SORCS2: variants seen among roughly 807,000 people sequenced by gnomAD.
SORCS2 encodes the protein VPS10 domain-containing receptor SorCS2.
A neutral mutation model predicts 141.6 loss-of-function variants in SORCS2; 100 were observed. That is an observed-to-expected ratio of 0.71 (90% CI 0.60 to 0.83). SORCS2 has a LOEUF of 0.83. Ranked by LOEUF, SORCS2 falls within the 40% of genes least tolerant of loss-of-function variation. The probability of loss-of-function intolerance (pLI) is 0.00; values close to 1 mark genes in which losing one functional copy is unlikely to be tolerated. For synonymous variants in SORCS2, 789 were observed against 676.9 expected (o/e 1.17, Z -2.57); for missense variants, 1,646 against 1,560.2 (o/e 1.05, Z -0.93).
At chr4:7,276,553 G>C (rs951177361) in intron 1 of SORCS2, among the ~76,000 whole-genome samples, 4 of 152,098 alleles carry the variant, frequency 2.6e-5, no homozygotes, top group Admixed American at 2.0e-4. Flanking sequence ...CCTTATTGCT[G>C]CCGCTTCCTG....
chr4:7,729,654 T>C lies in SORCS2; in HGVS notation c.3050T>C (p.Leu1017Pro). ...CCGGGGCTGCCCACTTTGGCCGATC[T>C]GTACGTGCTCCTGCCCCCTCCCAGG... Reference protein sequence around the residue: ...VKPGLPTLADLYVLLPPPRPT... With the variant: ...VKPGLPTLADPYVLLPPPRPT... Residue 1017 changes from leucine (L) to proline (P), a missense_variant, in exon 23 of 27, where the codon CTG (leucine) becomes CCG (proline). By Grantham distance (98) the Leu-to-Pro change is moderately conservative. Coordinates refer to ENST00000507866, the MANE Select transcript of SORCS2 (RefSeq NM_020777.3). The C allele has an allele frequency of 6.2e-7, 1 of 1,606,028 alleles. No homozygotes were observed. Among genetic ancestry groups the C allele is most frequent in the Non-Finnish European group, 8.5e-7 (1 of 1,176,560 alleles).
chr4:7,536,672 C>G (rs147348167), intron 3 of SORCS2, among the ~76,000 whole-genome samples: 2 of 152,184 alleles, frequency 1.3e-5, no homozygotes, highest in African/African-American at 2.4e-5. Context: ...TGGGACACTT[C>G]TGGGAAAGAT....
chr4:7,533,278 G>A (rs1711819487), intron 3 of SORCS2, among the ~76,000 whole-genome samples: 1 of 152,174 alleles, frequency 6.6e-6, no homozygotes, highest in African/African-American at 2.4e-5. Flanking sequence ...CCCTATGGAA[G>A]CAGGGGCAGA....
At chr4:7,639,422 GTGTA>G (rs930360634) in intron 4 of SORCS2, among the ~76,000 whole-genome samples, 21 of 118,486 alleles carry the variant, frequency 1.8e-4, no homozygotes, top group East Asian at 9.9e-4. Flanking sequence ...AAGTGTGTGT[GTGTA>G]TGCACACTTG....
intron 3 of SORCS2, among the ~76,000 whole-genome samples, chr4:7,629,769 C>G (rs1212003540): frequency 2.0e-5 from 3 of 152,008 alleles, no homozygotes; most frequent in Non-Finnish European, 4.4e-5. Context: ...CCCCACCCTC[C>G]CTCTACTTGG....
intron 10 of SORCS2, 84 bp downstream of exon 10, chr4:7,682,973 G>A (rs940953263): frequency 6.7e-7 from 1 of 1,493,920 alleles, no homozygotes; most frequent in Admixed American, 2.2e-5. Flanking sequence ...CAGAGGTGGT[G>A]ATGTCTGAGA....
chr4:7,638,164 T>C (rs1351937022), intron 3 of SORCS2, among the ~76,000 whole-genome samples, 164 bp from the exon 4 acceptor site: 1 of 152,194 alleles, frequency 6.6e-6, no homozygotes, highest in Non-Finnish European at 1.5e-5. Context: ...CACTCCTCCC[T>C]GGTATCAGGA....
At chr4:7,710,687 T>A (rs1725771746) in intron 14 of SORCS2, among the ~76,000 whole-genome samples, 1 of 152,062 alleles carries the variant, frequency 6.6e-6, no homozygotes, top group Non-Finnish European at 1.5e-5. Context: ...CAATCACGGG[T>A]GCCCTGGAGC....
intron 2 of SORCS2, among the ~76,000 whole-genome samples, chr4:7,438,029 C>T (rs547772893): frequency 2.2e-4 from 34 of 152,326 alleles, no homozygotes; most frequent in East Asian, 2.1e-3. Context: ...CTCATAACCA[C>T]GGTGCATTTA....
intron 2 of SORCS2, among the ~76,000 whole-genome samples, chr4:7,423,151 C>T (rs773796038): frequency 3.3e-5 from 5 of 152,176 alleles, no homozygotes; most frequent in Non-Finnish European, 7.3e-5. Context: ...GGGGAAGGTG[C>T]CCTCCCTGTT....
chr4:7,247,805 G>T (rs944392364), intron 1 of SORCS2, among the ~76,000 whole-genome samples: 7 of 152,228 alleles, frequency 4.6e-5, no homozygotes, highest in Non-Finnish European at 1.0e-4. Context: ...TGGGGAAGCC[G>T]CCTTGGAGGA....
chr4:7,276,419 C>T (rs1248696781), intron 1 of SORCS2, among the ~76,000 whole-genome samples: 3 of 152,124 alleles, frequency 2.0e-5, no homozygotes, highest in Non-Finnish European at 4.4e-5. Flanking sequence ...TCCTTCCACT[C>T]GCTGGAACGG....
At chr4:7,339,052 C>T (rs1349891710) in intron 1 of SORCS2, among the ~76,000 whole-genome samples, 37 of 152,256 alleles carry the variant, frequency 2.4e-4, no homozygotes, top group Non-Finnish European at 5.1e-4. Context: ...CTCTTCCATT[C>T]TGCCTGGAAA....
chr4:7,380,768 T>C (rs1162100849), intron 1 of SORCS2, among the ~76,000 whole-genome samples: 1 of 152,250 alleles, frequency 6.6e-6, no homozygotes, highest in East Asian at 1.9e-4. Flanking sequence ...ATGGCCGTGA[T>C]GTGAAATTTG....
At chr4:7,229,286 C>T (rs1007926395) in intron 1 of SORCS2, among the ~76,000 whole-genome samples, 2 of 152,042 alleles carry the variant, frequency 1.3e-5, no homozygotes, top group African/African-American at 4.8e-5. Context: ...CCAACTCTGC[C>T]ATGCCATGAC....
intron 2 of SORCS2, among the ~76,000 whole-genome samples, chr4:7,491,403 A>T (rs1731306346): frequency 6.6e-6 from 1 of 152,122 alleles, no homozygotes; most frequent in Non-Finnish European, 1.5e-5. Context: ...GGTCTCAAGG[A>T]CCCTGCATGA....
At chr4:7,269,621 T>C (rs926573450) in intron 1 of SORCS2, among the ~76,000 whole-genome samples, 2 of 152,168 alleles carry the variant, frequency 1.3e-5, no homozygotes, top group Non-Finnish European at 2.9e-5. Flanking sequence ...ATCAGAGCGA[T>C]GTATCCCCAA....
At chr4:7,288,619 A>AAGAG (rs377036685) in intron 1 of SORCS2, among the ~76,000 whole-genome samples, 2 of 148,856 alleles carry the variant, frequency 1.3e-5, no homozygotes, top group Non-Finnish European at 1.5e-5. Context: ...GAGGGGAGAG[A>AAGAG]AGAGAGAGAG....
At chr4:7,725,403 C>A in intron 20 of SORCS2, 116 bp downstream of exon 20, 1 of 1,397,232 alleles carries the variant, frequency 7.2e-7, no homozygotes, top group Non-Finnish European at 9.5e-7. Context: ...AGGGTGCACT[C>A]CTCACCCTTG....
Sources: allele counts gnomAD v4.1 joint callset (sites outside exome capture counted in the v4.1 genomes callset), GRCh38; gene constraint gnomAD v4.1.1; transcripts MANE v1.5; gene names NCBI Gene and HGNC (gene_info 2026-07-23, HGNC 2026-07-21).